Variants in SLC28A1 observed in about 807,000 individuals in gnomAD.
SLC28A1 encodes solute carrier family 28 member 1.
Under a neutral mutation model 74.8 loss-of-function variants are expected in SLC28A1, and 64 were observed. That is an observed-to-expected ratio of 0.86 (90% confidence interval 0.70 to 1.05). The LOEUF (loss-of-function observed/expected upper bound fraction) is 1.05, where lower values mean the gene tolerates loss of function less well. Among genes scored for constraint, SLC28A1 ranks in the 50% least tolerant of loss-of-function variants. SLC28A1 has a pLI of 0.00. For missense variants in SLC28A1, 828 were observed against 822.8 expected, an observed-to-expected ratio of 1.01 and a Z score of -0.08; for synonymous variants, 359 against 335.0, an observed-to-expected ratio of 1.07 and a Z score of -0.78.
chr15:84,886,150 A>C (rs1461642856), intron 1 of SLC28A1: 1 of 985,282 alleles, frequency 1.0e-6, no homozygotes, highest in African/African-American at 1.7e-5. Flanking sequence ...TTTAACAAAG[A>C]TGAAATGAAG....
chr15:84,970,727 A>G, the SLC28A1 span, among the ~76,000 whole-genome samples: 1 of 152,048 alleles, frequency 6.6e-6, no homozygotes, highest in Non-Finnish European at 1.5e-5. Context: ...GTCGGGCACA[A>G]TGGCTCACAT....
intron 6 of SLC28A1, among the ~76,000 whole-genome samples, chr15:84,903,008 G>A (rs778167752): frequency 6.6e-5 from 10 of 152,178 alleles, no homozygotes; most frequent in Non-Finnish European, 1.3e-4. Flanking sequence ...GGGATTACAG[G>A]CATGAGCCAC....
At chr15:84,895,776 T>C (rs1965936314) in intron 6 of SLC28A1, 2 of 1,195,838 alleles carry the variant, frequency 1.7e-6, no homozygotes, top group Non-Finnish European at 2.1e-6. Flanking sequence ...ACAGTTTCTA[T>C]GGCTTAAAAA....
At chr15:84,969,870 T>C in the SLC28A1 span, among the ~76,000 whole-genome samples, 14 of 152,126 alleles carry the variant, frequency 9.2e-5, no homozygotes, top group Non-Finnish European at 1.2e-4. Flanking sequence ...CGTCGAGCCT[T>C]GATTTCTTTC....
chr15:84,954,704 TTCCTCATTGATCTGCCTAGTAA>T, the SLC28A1 span, among the ~76,000 whole-genome samples: 1 of 152,244 alleles, frequency 6.6e-6, no homozygotes, highest in African/African-American at 2.4e-5. Context: ...GCACGTTGGC[TTCCTCATTGATCTGCCTAGTAA>T]ACAGGTATAT....
downstream of SLC28A1, among the ~76,000 whole-genome samples, chr15:84,948,614 T>C (rs2079311698): frequency 1.3e-5 from 2 of 152,168 alleles, no homozygotes; most frequent in African/African-American, 4.8e-5. Flanking sequence ...ATTCCCTCCC[T>C]TACTGCAGCC....
chr15:84,970,284 G>A, the SLC28A1 span, among the ~76,000 whole-genome samples: 58 of 152,132 alleles, frequency 3.8e-4, no homozygotes, highest in African/African-American at 1.4e-3. Flanking sequence ...GACTTTCTCA[G>A]AAGCCCCTCT....
chr15:84,966,114 G>C, the SLC28A1 span, among the ~76,000 whole-genome samples: 18 of 152,084 alleles, frequency 1.2e-4, no homozygotes, highest in African/African-American at 4.3e-4. Flanking sequence ...GTCTTGCTCT[G>C]TCACCCACAC....
At chr15:84,972,742 G>A in the SLC28A1 span, among the ~76,000 whole-genome samples, 1 of 152,172 alleles carries the variant, frequency 6.6e-6, no homozygotes. Context: ...AGCTACATTG[G>A]TAGCTATGCT....
At chr15:84,890,764 G>A (rs1965285539) in intron 5 of SLC28A1, among the ~76,000 whole-genome samples, 1 of 152,210 alleles carries the variant, frequency 6.6e-6, no homozygotes, top group African/African-American at 2.4e-5. Context: ...CCCACATAAT[G>A]CAGCATGTCA....
chr15:84,888,552 G>T (rs1260418063), intron 3 of SLC28A1, among the ~76,000 whole-genome samples: 1 of 152,212 alleles, frequency 6.6e-6, no homozygotes, highest in Non-Finnish European at 1.5e-5. Context: ...CGCAGACCAT[G>T]AGCTCGCTGA....
intron 15 of SLC28A1, chr15:84,939,705 G>C (rs965567228): frequency 2.0e-5 from 3 of 151,676 alleles, no homozygotes; most frequent in African/African-American, 7.3e-5. Context: ...TTTAATATAT[G>C]TGCACAAGAA....
At chr15:84,916,450 G>T (rs1969119221) in intron 9 of SLC28A1, among the ~76,000 whole-genome samples, 1 of 151,462 alleles carries the variant, frequency 6.6e-6, no homozygotes, top group African/African-American at 2.4e-5. Flanking sequence ...GCCTTGCTTT[G>T]TTTCCTAGGC....
rs71135318 is a variant in SLC28A1, at chr15:84,899,940, A to AAAGGAAGGAAGGAAGG, written c.462-4146_462-4131dup. Among the ~76,000 whole-genome samples, 997 of 136,896 alleles carry AAAGGAAGGAAGGAAGG rather than the reference A, an allele frequency of 7.3e-3. 22 individuals are homozygous for AAAGGAAGGAAGGAAGG. Among genetic ancestry groups the AAAGGAAGGAAGGAAGG allele is most frequent in the South Asian group, 0.054 (203 of 3,776 alleles). 89.8% of individuals were successfully genotyped at this position (136,896 alleles called of 152,430 possible). A position where few individuals can be genotyped will look rare whatever the true frequency, so the allele number is the denominator to read the frequency against. ...GAGGGAAAGAGGGAAAGAAAGAAAG[A>AAAGGAAGGAAGGAAGG]AAGGAAGGAAGGAAGGAAGGAAGGA... On this transcript the variant is annotated intron_variant, in intron 6 of 18. Transcript: ENST00000394573.
At chr15:84,964,248 GGGAA>G in the SLC28A1 span, among the ~76,000 whole-genome samples, 1 of 145,248 alleles carries the variant, frequency 6.9e-6, no homozygotes, top group Non-Finnish European at 1.5e-5. Flanking sequence ...GGAAGGGAAG[GGGAA>G]GGAAACGATA....
intron 10 of SLC28A1, among the ~76,000 whole-genome samples, chr15:84,920,589 G>A (rs563549588): frequency 2.3e-4 from 35 of 152,246 alleles, no homozygotes; most frequent in African/African-American, 8.2e-4. Context: ...TAATCCCATG[G>A]TCAAATAATT....
chr15:84,931,410 GCCAAGGCAGGCAGAT>G (rs1971256969), intron 12 of SLC28A1, among the ~76,000 whole-genome samples: 1 of 151,366 alleles, frequency 6.6e-6, no homozygotes, highest in South Asian at 2.1e-4. Context: ...ACTTTGGGAG[GCCAAGGCAGGCAGAT>G]CACAAGGTCA....
At chr15:84,906,548 CTTTCTTTCTTTCTTTCTCTTTCTT>C (rs1567140137) in intron 8 of SLC28A1, among the ~76,000 whole-genome samples, 7 of 81,462 alleles carry the variant, frequency 8.6e-5, no homozygotes, top group African/African-American at 3.0e-4. Flanking sequence ...TTCTTTCTTT[CTTTCTTTCTTTCTTTCTCTTTCTT>C]TCTTCCTTCC....
chr15:84,970,524 C>T, the SLC28A1 span, among the ~76,000 whole-genome samples: 12 of 152,146 alleles, frequency 7.9e-5, no homozygotes, highest in African/African-American at 2.9e-4. Flanking sequence ...GTGTCTTTTA[C>T]GGCTCAGCTC....
Sources: gnomAD v4.1 joint callset for allele counts (sites outside exome capture counted in the v4.1 genomes callset) on GRCh38, gnomAD v4.1.1 for gene constraint, MANE v1.5 for transcripts, NCBI Gene and HGNC (gene_info 2026-07-23, HGNC 2026-07-21) for gene names.